Variants in TMEM117 observed in about 807,000 individuals in gnomAD.
TMEM117 encodes transmembrane protein 117.
Under a neutral mutation model 52.4 loss-of-function variants are expected in TMEM117, and 27 were observed. The ratio of observed to expected loss-of-function variants is 0.51; its 90% CI spans 0.38 to 0.71. TMEM117 has a LOEUF of 0.71. TMEM117 is among the 30% of genes least tolerant of loss of function. The pLI, the probability that TMEM117 is intolerant of heterozygous loss-of-function variation, is 0.00. For missense variants in TMEM117, 556 were observed against 630.5 expected, an observed-to-expected ratio of 0.88 and a Z score of 1.26; for synonymous variants, 215 against 206.3, an observed-to-expected ratio of 1.04 and a Z score of -0.36.
chr12:44,045,821 C>T (rs1445279718), intron 3 of TMEM117, among the ~76,000 whole-genome samples: 7 of 151,978 alleles, frequency 4.6e-5, no homozygotes, highest in South Asian at 2.1e-4. Flanking sequence ...CCAGCCTGGG[C>T]GACCGTGCGA....
At chr12:44,318,830 CAA>C (rs1034964151) in intron 6 of TMEM117, among the ~76,000 whole-genome samples, 1 of 152,104 alleles carries the variant, frequency 6.6e-6, no homozygotes, top group African/African-American at 2.4e-5. Context: ...ACTCAGGATG[CAA>C]ATTCATGTAA....
chr12:44,390,907 T>C (rs776448684), downstream of TMEM117, among the ~76,000 whole-genome samples: 17 of 152,102 alleles, frequency 1.1e-4, no homozygotes, highest in Admixed American at 2.6e-4. Flanking sequence ...GAATCCTGAG[T>C]CATACCAATA....
intron 3 of TMEM117, among the ~76,000 whole-genome samples, chr12:44,138,484 A>T (rs185454841): frequency 6.6e-6 from 1 of 152,262 alleles, no homozygotes; most frequent in Admixed American, 6.5e-5. Flanking sequence ...GAAAGAATTG[A>T]TGTATGCTGG....
At chr12:43,908,889 T>A (rs1268569049) in intron 2 of TMEM117, among the ~76,000 whole-genome samples, 1 of 145,000 alleles carries the variant, frequency 6.9e-6, no homozygotes, top group Non-Finnish European at 1.5e-5. Context: ...CTCCCACACA[T>A]TAATAATGGG....
intron 3 of TMEM117, among the ~76,000 whole-genome samples, chr12:44,016,126 A>C (rs997372210): frequency 4.6e-5 from 7 of 152,124 alleles, no homozygotes; most frequent in African/African-American, 1.4e-4. Context: ...AGTGGGGTTC[A>C]TACGGTTCTG....
At chr12:43,996,844 GA>G (rs1441262107) in intron 3 of TMEM117, among the ~76,000 whole-genome samples, 4 of 151,960 alleles carry the variant, frequency 2.6e-5, no homozygotes, top group Non-Finnish European at 4.4e-5. Flanking sequence ...ACTACCTTAG[GA>G]AAAAAATTTT....
chr12:44,034,249 C>T (rs879269759), intron 3 of TMEM117, among the ~76,000 whole-genome samples: 23 of 152,102 alleles, frequency 1.5e-4, no homozygotes, highest in Non-Finnish European at 2.8e-4. Flanking sequence ...CAACAAACAT[C>T]CTTTTATATT....
chr12:44,181,556 T>G (rs1437957917), intron 4 of TMEM117, among the ~76,000 whole-genome samples: 9 of 151,676 alleles, frequency 5.9e-5, no homozygotes, highest in Non-Finnish European at 1.3e-4. Flanking sequence ...GGATCCAGTT[T>G]CAGCTTTCTA....
intron 4 of TMEM117, among the ~76,000 whole-genome samples, chr12:44,191,403 C>A (rs1260695303): frequency 6.6e-6 from 1 of 152,020 alleles, no homozygotes; most frequent in Admixed American, 6.6e-5. Context: ...ATGTATCAAT[C>A]ATTTATCTAT....
intron 4 of TMEM117, among the ~76,000 whole-genome samples, chr12:44,162,495 C>T (rs1948911270): frequency 1.3e-5 from 2 of 152,214 alleles, no homozygotes; most frequent in African/African-American, 2.4e-5. Context: ...CATGCTCTGA[C>T]CTAATGCATA....
At chr12:43,897,634 G>A (rs1171558776) in intron 2 of TMEM117, among the ~76,000 whole-genome samples, 1 of 152,024 alleles carries the variant, frequency 6.6e-6, no homozygotes, top group Non-Finnish European at 1.5e-5. Flanking sequence ...TAGAGACAGA[G>A]TCTTGCTCTG....
At chr12:44,255,729 A>G (rs1950252612) in intron 5 of TMEM117, among the ~76,000 whole-genome samples, 1 of 152,116 alleles carries the variant, frequency 6.6e-6, no homozygotes. Flanking sequence ...CAGGAATAAA[A>G]TACAGCCAAA....
rs5797892 is a variant in TMEM117, at chr12:44,208,725, GTTTTTTTTTTTT to G, written c.511-2553_511-2542del. On this transcript the variant is annotated intron_variant, in intron 4 of 7. Coordinates refer to ENST00000266534, the MANE Select transcript of TMEM117 (RefSeq NM_032256.3). ...TCAGCTGCCTGGCATCAGAAAGAAT[GTTTTTTTTTTTT>G]TTTTTTTTTTTGCTTCATCTAACCA... is the stretch of plus-strand genomic sequence containing the variant. 2.6e-3 allele frequency among the ~76,000 whole-genome samples: 179 copies of G among 68,858 alleles called. 1 individual carries two copies. The highest frequency in any genetic ancestry group is 8.9e-3 in the African/African-American group (172 of 19,408). The allele number at this position is 68,858 out of a possible 152,430, so 45.2% of individuals were successfully genotyped here. A position where few individuals can be genotyped will look rare whatever the true frequency, so the allele number is the denominator to read the frequency against.
At chr12:44,348,155 G>A (rs1243381657) in intron 6 of TMEM117, among the ~76,000 whole-genome samples, 1 of 151,696 alleles carries the variant, frequency 6.6e-6, no homozygotes, top group African/African-American at 2.4e-5. Context: ...GGAACATCAC[G>A]TAACATAAAG....
chr12:43,798,826 A>G, the TMEM117 span, among the ~76,000 whole-genome samples: 2 of 152,116 alleles, frequency 1.3e-5, no homozygotes, highest in African/African-American at 2.4e-5. Flanking sequence ...GTAAAGTCCC[A>G]GTAGAAATAC....
chr12:43,804,662 A>T, the TMEM117 span: 3 of 859,972 alleles, frequency 3.5e-6, no homozygotes, highest in Admixed American at 7.8e-5. Flanking sequence ...GAATACAAAG[A>T]AAAAATCTGG....
chr12:44,263,709 G>A (rs1203719316), intron 5 of TMEM117: 1 of 152,060 alleles, frequency 6.6e-6, no homozygotes, highest in Non-Finnish European at 1.5e-5. Context: ...TAGATAAGAG[G>A]GGTAATTAGC....
chr12:43,825,523 C>T, the TMEM117 span, among the ~76,000 whole-genome samples: 16 of 152,272 alleles, frequency 1.1e-4, no homozygotes, highest in African/African-American at 3.9e-4. Context: ...ATGAATAAAT[C>T]ACAGATGCAT....
intron 3 of TMEM117, among the ~76,000 whole-genome samples, chr12:43,958,273 G>T (rs1443291605): frequency 6.6e-6 from 1 of 152,130 alleles, no homozygotes; most frequent in African/African-American, 2.4e-5. Context: ...TTAGACATTT[G>T]ACTCACTGGT....
Sources: allele counts gnomAD v4.1 joint callset (sites outside exome capture counted in the v4.1 genomes callset), GRCh38; gene constraint gnomAD v4.1.1; transcripts MANE v1.5; gene names NCBI Gene and HGNC (gene_info 2026-07-23, HGNC 2026-07-21).